Variants in VPS53 observed in about 807,000 individuals in gnomAD.
VPS53 encodes the protein VPS53 subunit of GARP complex, also known as vacuolar protein sorting-associated protein 53 homolog.
VPS53 carries 70 observed loss-of-function variants against 107.0 expected under a neutral mutation model. The observed-to-expected ratio is 0.65, with a 90% CI of 0.54 to 0.80. The LOEUF (loss-of-function observed/expected upper bound fraction) is 0.80, where lower values mean the gene tolerates loss of function less well. Ranked by LOEUF, VPS53 falls within the 30% of genes least tolerant of loss-of-function variation. The pLI, the probability that VPS53 is intolerant of heterozygous loss-of-function variation, is 0.00. For missense variants in VPS53, 917 were observed against 1,049.4 expected, an observed-to-expected ratio of 0.87 and a Z score of 1.74; for synonymous variants, 409 against 393.3, an observed-to-expected ratio of 1.04 and a Z score of -0.47.
At chr17:646,274 TCGGCTCC>T (rs1970701452) in intron 7 of VPS53, among the ~76,000 whole-genome samples, 2 of 78,512 alleles carry the variant, frequency 2.5e-5, no homozygotes, top group Non-Finnish European at 5.3e-5. Flanking sequence ...GGACTGGAGA[TCGGCTCC>T]CACACACATC....
At chr17:619,478 C>G (rs1316785954) in intron 11 of VPS53, among the ~76,000 whole-genome samples, 13 of 146,208 alleles carry the variant, frequency 8.9e-5, no homozygotes, top group Admixed American at 2.0e-4. Context: ...TGCACCACCA[C>G]GCCTGCTTAT....
At chr17:558,532 G>A (rs1567624570) in intron 15 of VPS53, among the ~76,000 whole-genome samples, 1 of 152,184 alleles carries the variant, frequency 6.6e-6, no homozygotes, top group African/African-American at 2.4e-5. Context: ...TACTCGCGAG[G>A]CTGAGGCAGG....
intron 4 of VPS53, 124 bp from the exon 5 acceptor site, chr17:662,019 C>A: frequency 1.1e-6 from 1 of 902,084 alleles, no homozygotes; most frequent in Non-Finnish European, 1.7e-6. Context: ...GTACTTATGC[C>A]AACAATTTTT....
At chr17:523,761 A>G (rs1908920661) in intron 19 of VPS53, among the ~76,000 whole-genome samples, 1 of 152,186 alleles carries the variant, frequency 6.6e-6, no homozygotes, top group African/African-American at 2.4e-5. Flanking sequence ...ATTTCTAGAG[A>G]TAGAAATTCT....
intron 17 of VPS53, 27 bp from the exon 18 acceptor site, chr17:537,203 G>C: frequency 6.2e-7 from 1 of 1,612,456 alleles, no homozygotes; most frequent in Non-Finnish European, 8.5e-7. Flanking sequence ...ATGAGGCGTT[G>C]AATCCCTCGC....
At position 518,018 on chromosome 17, in the gene VPS53, G is replaced by A. The variant is rs1434114559; in HGVS notation, c.*1110C>T. ...ACTCCTGGACTCAAGTGATCCTCCT[G>A]CCTTGGTCTCCCAAAGTGTTGCGAC... On this transcript the variant is annotated 3_prime_UTR_variant, in exon 22 of 22. Transcript: ENST00000437048. 6.6e-6 allele frequency: 1 copy of A among 152,306 alleles called. No homozygotes were observed. Among genetic ancestry groups the A allele is most frequent in the African/African-American group, 2.4e-5 (1 of 41,458 alleles). 9.4% of individuals were successfully genotyped at this position (152,306 alleles called of 1,614,324 possible). A position where few individuals can be genotyped will look rare whatever the true frequency, so the allele number is the denominator to read the frequency against.
intron 16 of VPS53, 110 bp downstream of exon 16, chr17:553,270 G>C (rs1449263239): frequency 4.6e-6 from 4 of 875,570 alleles, no homozygotes. Flanking sequence ...CTGCTGTGTA[G>C]TGGAGAAAGG....
At chr17:592,116 T>G (rs898838485) in intron 12 of VPS53, among the ~76,000 whole-genome samples, 25 of 152,242 alleles carry the variant, frequency 1.6e-4, no homozygotes, top group African/African-American at 6.0e-4. Context: ...TTAGCTCTTG[T>G]TGAATTGATC....
At chr17:544,400 G>C (rs986545043) in intron 17 of VPS53, among the ~76,000 whole-genome samples, 2 of 152,218 alleles carry the variant, frequency 1.3e-5, no homozygotes, top group African/African-American at 4.8e-5. Context: ...AGCAGTTTAG[G>C]AGGCCGAGGC....
chr17:657,329 G>T lies in VPS53; in HGVS notation c.373-1376C>A, dbSNP rs1597447247. On this transcript the variant is annotated intron_variant, in intron 5 of 21. Coordinates refer to ENST00000437048, the MANE Select transcript of VPS53 (RefSeq NM_001128159.3). ...TGATGACATCCATGAACCCAGCAGG[G>T]TATGTTATATCAGTTCGGACCGTGC... is the stretch of plus-strand genomic sequence containing the variant. 4 of 757,716 alleles carry T rather than the reference G, an allele frequency of 5.3e-6. No homozygotes were observed. The South Asian group carries it at 6.2e-5, about 12-fold the overall frequency. 46.9% of individuals were successfully genotyped at this position (757,716 alleles called of 1,614,324 possible). A position where few individuals can be genotyped will look rare whatever the true frequency, so the allele number is the denominator to read the frequency against.
chr17:547,882 A>C (rs1911365666), intron 17 of VPS53, among the ~76,000 whole-genome samples: 1 of 152,150 alleles, frequency 6.6e-6, no homozygotes, highest in Non-Finnish European at 1.5e-5. Context: ...TGCACTCCTC[A>C]GCCTCCCAAA....
intron 13 of VPS53, among the ~76,000 whole-genome samples, chr17:572,900 T>G (rs998039925): frequency 6.6e-5 from 10 of 151,400 alleles, no homozygotes; most frequent in Non-Finnish European, 1.5e-4. Context: ...GCGGAAGGCC[T>G]CAGGGTCCTC....
At position 524,671 on chromosome 17, in the gene VPS53, A is replaced by T. The variant is rs940185044; in HGVS notation, c.2086-2933T>A. On this transcript the variant is annotated intron_variant, in intron 19 of 21. Transcript: ENST00000437048. This position sits in a 1 kb window ranked among gnomAD's most constrained non-coding sequence, Gnocchi z 4.5. ...TGGGAAATGCAAATTAAAACCACAG[A>T]TGTACACCATAATACATCCATCAGA... Among the ~76,000 whole-genome samples, 1 of 152,258 alleles carries T rather than the reference A, an allele frequency of 6.6e-6. No individual in the cohort carries two copies. Among genetic ancestry groups the T allele is most frequent in the African/African-American group, 2.4e-5 (1 of 41,476 alleles).
At chr17:624,350 G>T (rs745817934) in intron 10 of VPS53, among the ~76,000 whole-genome samples, 1 of 152,088 alleles carries the variant, frequency 6.6e-6, no homozygotes, top group African/African-American at 2.4e-5. Flanking sequence ...AGGAGTCCTG[G>T]AAACACACGC....
intron 11 of VPS53, chr17:616,172 G>A (rs1289947603): frequency 1.3e-5 from 2 of 152,220 alleles, no homozygotes; most frequent in Admixed American, 6.5e-5. Flanking sequence ...ATATCAGACA[G>A]CCATTTTCAG....
At position 515,440 on chromosome 17, in the gene VPS53, A is replaced by T. The variant is rs563365496; in HGVS notation, c.*3688T>A. On this transcript the variant is annotated 3_prime_UTR_variant, in exon 22 of 22. Coordinates refer to ENST00000437048, the MANE Select transcript of VPS53 (RefSeq NM_001128159.3). ...AAGACAGGGTTTCACCATGTCGGCC[A>T]GGCTGGTCTCGAACTCCTGACCTCA... 6.6e-6 allele frequency: 1 copy of T among 152,274 alleles called. No individual in the cohort carries two copies. The highest frequency in any genetic ancestry group is 2.1e-4 in the South Asian group (1 of 4,826). 9.4% of individuals were successfully genotyped at this position (152,274 alleles called of 1,614,324 possible). A position where few individuals can be genotyped will look rare whatever the true frequency, so the allele number is the denominator to read the frequency against.
chr17:578,364 C>T (rs11870735), intron 13 of VPS53, among the ~76,000 whole-genome samples: 24,268 of 151,070 alleles, frequency 0.16, 2,092 homozygotes, highest in South Asian at 0.22. Flanking sequence ...GAACCTAATG[C>T]GTTCCTAGAG....
At chr17:552,885 G>A (rs1336909457) in intron 16 of VPS53, 13 of 425,698 alleles carry the variant, frequency 3.1e-5, no homozygotes, top group Non-Finnish European at 5.4e-5. Flanking sequence ...GTGTAGTGGA[G>A]AAAGGGCAGG....
chr17:657,021 G>A, intron 5 of VPS53: 1 of 860,072 alleles, frequency 1.2e-6, no homozygotes, highest in Middle Eastern at 2.2e-4. Context: ...ACTCTTCCCA[G>A]GTGAGCACCT....
Sources: allele counts gnomAD v4.1 joint callset (sites outside exome capture counted in the v4.1 genomes callset), GRCh38; gene constraint gnomAD v4.1.1; non-coding constraint Gnocchi (gnomAD v3.1); transcripts MANE v1.5; gene names NCBI Gene and HGNC (gene_info 2026-07-23, HGNC 2026-07-21).